The following NRG3 variants were observed in gnomAD, a reference collection of about 807,000 sequenced individuals.
NRG3 encodes neuregulin 3.
In NRG3, 31 loss-of-function variants were observed where a neutral mutation model predicts 66.9. The ratio of observed to expected loss-of-function variants is 0.46; its 90% confidence interval spans 0.35 to 0.63. NRG3 has a LOEUF of 0.63. NRG3 is among the 20% of genes least tolerant of loss of function. NRG3 has a pLI of 0.00. For missense variants in NRG3, 910 were observed against 878.9 expected (o/e 1.04, Z -0.45); for synonymous variants, 393 against 359.4 (o/e 1.09, Z -1.06).
rs1849511417 is a variant in NRG3, at chr10:82,951,495, G to T, written c.1081G>T (p.Val361Leu). The T allele has an allele frequency of 3.1e-6, 5 of 1,613,916 alleles. No homozygotes were observed. Among genetic ancestry groups the T allele is most frequent in the Non-Finnish European group, 4.2e-6 (5 of 1,179,840 alleles). The change falls in exon 5 of 9, where the codon GTG becomes TTG. Residue 361 changes from valine (V) to leucine (L), a missense_variant. Transcript: ENST00000372141. ...MESEEVYQRQ[V>L]LSISCIIFGI... ...GAGTGAAGAAGTTTATCAAAGGCAG[G>T]TGCTGTCAATTTCATGTATCATCTT...
chr10:82,467,884 T>A (rs1840840411), intron 2 of NRG3, among the ~76,000 whole-genome samples: 1 of 152,148 alleles, frequency 6.6e-6, no homozygotes, highest in African/African-American at 2.4e-5. Context: ...AATATGGCCT[T>A]TGTGCCCATA....
chr10:82,404,494 T>A (rs2087352807), intron 2 of NRG3, among the ~76,000 whole-genome samples: 1 of 152,216 alleles, frequency 6.6e-6, no homozygotes, highest in Non-Finnish European at 1.5e-5. Flanking sequence ...AGCTGCGATT[T>A]AGAACCACAT....
chr10:82,545,911 C>T (rs1181073958), intron 2 of NRG3, among the ~76,000 whole-genome samples: 1 of 151,178 alleles, frequency 6.6e-6, no homozygotes. Context: ...CCTCAGCCTC[C>T]AGAGTAGCTG....
intron 1 of NRG3, among the ~76,000 whole-genome samples, chr10:82,126,289 ATAT>A (rs1447965139): frequency 6.6e-6 from 1 of 152,100 alleles, no homozygotes; most frequent in Non-Finnish European, 1.5e-5. Context: ...AATTCTAAAA[ATAT>A]TATTCCCTAT....
rs1324632529 is a variant in NRG3, at chr10:82,248,878, G to C, written c.824-109861G>C. On this transcript the variant is annotated intron_variant, in intron 1 of 8. Transcript: ENST00000372141. ...TTTTAATCAGGCCCTCAATAGTCCT[G>C]GTTTGTGTTTCCTGGCTTGTCTGCA... is the stretch of plus-strand genomic sequence containing the variant. Among the ~76,000 whole-genome samples, 3 of 152,086 alleles carry C rather than the reference G, an allele frequency of 2.0e-5. No individual in the cohort carries two copies. In the East Asian group the frequency reaches 5.8e-4, roughly 29 times the overall value.
chr10:82,173,773 C>G (rs1168244470), intron 1 of NRG3, among the ~76,000 whole-genome samples: 3 of 151,574 alleles, frequency 2.0e-5, no homozygotes, highest in Non-Finnish European at 4.4e-5. Context: ...GTACACATAA[C>G]TAAAAGGCAT....
At chr10:82,569,221 A>C (rs113728770) in intron 2 of NRG3, among the ~76,000 whole-genome samples, 4 of 151,874 alleles carry the variant, frequency 2.6e-5, no homozygotes, top group African/African-American at 9.6e-5. Flanking sequence ...TACTAATAAT[A>C]AAATTCATCA....
chr10:82,944,642 G>A (rs1848845156), intron 4 of NRG3, among the ~76,000 whole-genome samples: 1 of 152,052 alleles, frequency 6.6e-6, no homozygotes. Context: ...AAGCCTGCTG[G>A]GGCACATGAT....
chr10:81,919,532 T>C (rs1367422157), intron 1 of NRG3, among the ~76,000 whole-genome samples: 1 of 150,748 alleles, frequency 6.6e-6, no homozygotes, highest in East Asian at 2.0e-4. Context: ...CATCATCAAA[T>C]ATAATCCATT....
At position 82,985,529 on chromosome 10, in the gene NRG3, C is replaced by T; in HGVS notation, c.2015C>T (p.Pro672Leu). 6.2e-7 allele frequency: 1 copy of T among 1,613,978 alleles called. No individual in the cohort carries two copies. Among genetic ancestry groups the T allele is most frequent in the Non-Finnish European group, 8.5e-7 (1 of 1,180,006 alleles). ...SENTAFLPLS[P>L]TAKSEREAQF... ...AACACAGCCTTTCTCCCCCTGAGTCCCACAGCCAAATCAGAACGAGAGGCG... is the reference window on the plus strand; with the variant it reads ...AACACAGCCTTTCTCCCCCTGAGTCTCACAGCCAAATCAGAACGAGAGGCG... Residue 672 changes from proline to leucine, a missense_variant, in exon 9 of 9, where the codon CCC (proline) becomes CTC (leucine). Transcript: ENST00000372141.
intron 2 of NRG3, among the ~76,000 whole-genome samples, chr10:82,709,950 G>A (rs1360652116): frequency 1.3e-5 from 2 of 152,036 alleles, no homozygotes; most frequent in East Asian, 3.9e-4. Flanking sequence ...TAATTATTTG[G>A]ACCCAAGAGA....
At chr10:82,640,322 A>G (rs184796524) in intron 2 of NRG3, among the ~76,000 whole-genome samples, 7 of 152,350 alleles carry the variant, frequency 4.6e-5, no homozygotes, top group Admixed American at 2.0e-4. Context: ...ATGGAATACT[A>G]TGGAGCCCTG....
chr10:82,131,254 T>C (rs1422523507), intron 1 of NRG3, among the ~76,000 whole-genome samples: 2 of 152,174 alleles, frequency 1.3e-5, no homozygotes, highest in Admixed American at 1.3e-4. Context: ...TTCATTGTTC[T>C]GCATATGGAT....
intron 1 of NRG3, among the ~76,000 whole-genome samples, chr10:82,334,296 T>C (rs7900818): frequency 0.42 from 63,391 of 152,022 alleles, 19,175 homozygotes; most frequent in African/African-American, 0.85. Context: ...TACGTTTTCC[T>C]CGAAGCATGG....
chr10:82,229,688 A>C (rs976308900), intron 1 of NRG3, among the ~76,000 whole-genome samples: 9 of 152,146 alleles, frequency 5.9e-5, no homozygotes, highest in Admixed American at 5.2e-4. Context: ...AAACCATCAG[A>C]TCTTGTGAGA....
At position 82,790,506 on chromosome 10, in the gene NRG3, T is replaced by C. The variant is rs547096533; in HGVS notation, c.1027+51856T>C. Among the ~76,000 whole-genome samples the C allele has an allele frequency of 3.9e-3, 597 of 152,218 alleles. 1 individual carries two copies. Among genetic ancestry groups the C allele is most frequent in the Non-Finnish European group, 5.9e-3 (400 of 67,968 alleles). The stretch of plus-strand genomic sequence containing the variant: ...TTTCGATACCTTTACAATTCTCTCA[T>C]TGTATGTGTGTTTTGACAGTTTAAT... On this transcript the variant is annotated intron_variant, in intron 3 of 8. Coordinates refer to ENST00000372141, the MANE Select transcript of NRG3 (RefSeq NM_001010848.4).
chr10:82,731,366 C>CAA (rs557587083), intron 2 of NRG3, among the ~76,000 whole-genome samples: 1,153 of 85,288 alleles, frequency 0.014, 12 homozygotes, highest in Non-Finnish European at 0.021. Flanking sequence ...TACTCTGTCT[C>CAA]AAAAAAAAAA....
At chr10:82,866,871 G>T (rs963785296) in intron 4 of NRG3, among the ~76,000 whole-genome samples, 2 of 152,122 alleles carry the variant, frequency 1.3e-5, no homozygotes, top group African/African-American at 2.4e-5. Flanking sequence ...GGTTGAGGGG[G>T]AAATAATTTG....
intron 4 of NRG3, among the ~76,000 whole-genome samples, chr10:82,918,260 G>A (rs1846081006): frequency 6.6e-6 from 1 of 151,910 alleles, no homozygotes; most frequent in African/African-American, 2.4e-5. Context: ...ATTCACAGAG[G>A]CAGTGAGATC....
Sources: allele counts gnomAD v4.1 joint callset (sites outside exome capture counted in the v4.1 genomes callset), GRCh38; gene constraint gnomAD v4.1.1; transcripts MANE v1.5; gene names NCBI Gene and HGNC (gene_info 2026-07-23, HGNC 2026-07-21).